The following CHST9 variants were observed in gnomAD, a reference collection of about 807,000 sequenced individuals.
CHST9 encodes GalNAc-4-sulfotransferase 2.
In CHST9, 41 loss-of-function variants were observed where a neutral mutation model predicts 44.4. That is an observed-to-expected ratio of 0.92 (90% CI 0.72 to 1.20). The LOEUF (loss-of-function observed/expected upper bound fraction) is 1.20, where lower values mean the gene tolerates loss of function less well. Ranked by LOEUF, CHST9 falls within the 50% of genes most tolerant of loss-of-function variation. The pLI is 0.00. For missense variants in CHST9, 504 were observed against 516.5 expected, an observed-to-expected ratio of 0.98 and a Z score of 0.23; for synonymous variants, 171 against 178.4, an observed-to-expected ratio of 0.96 and a Z score of 0.33.
intron 4 of CHST9, among the ~76,000 whole-genome samples, chr18:26,999,220 G>A (rs928265505): frequency 3.3e-5 from 5 of 152,126 alleles, no homozygotes; most frequent in African/African-American, 1.2e-4. Context: ...TTCAGATATG[G>A]CTGTCGATTT....
At chr18:26,927,849 T>G (rs2055800285) in intron 5 of CHST9, among the ~76,000 whole-genome samples, 1 of 152,052 alleles carries the variant, frequency 6.6e-6, no homozygotes, top group Non-Finnish European at 1.5e-5. Flanking sequence ...GACGATCAGG[T>G]CTTTCCCTTC....
intron 4 of CHST9, among the ~76,000 whole-genome samples, chr18:26,948,564 G>T (rs1346607499): frequency 6.6e-6 from 1 of 152,098 alleles, no homozygotes; most frequent in African/African-American, 2.4e-5. Context: ...ACAAATAAGA[G>T]CCAAACAATA....
At chr18:27,005,116 G>T (rs1215345061) in intron 4 of CHST9, among the ~76,000 whole-genome samples, 1 of 152,140 alleles carries the variant, frequency 6.6e-6, no homozygotes, top group Admixed American at 6.5e-5. Flanking sequence ...GACACTGCAA[G>T]AATAAATGTT....
chr18:27,012,695 A>T, intron 4 of CHST9, among the ~76,000 whole-genome samples: 1 of 152,354 alleles, frequency 6.6e-6, no homozygotes, highest in East Asian at 1.9e-4. Flanking sequence ...GCAAGGTAGA[A>T]CAAGTTTTCC....
intron 2 of CHST9, among the ~76,000 whole-genome samples, chr18:27,089,117 C>A (rs1199235593): frequency 6.6e-6 from 1 of 151,680 alleles, no homozygotes; most frequent in South Asian, 2.1e-4. Flanking sequence ...GCTCTATTTT[C>A]TTCCTCTTTT....
chr18:27,167,432 A>G lies in CHST9; in HGVS notation c.-97+17704T>C, dbSNP rs1250657282. Reference sequence around the variant, plus strand: ...GTTTTTGCTCTCCACTACATCTGTCATAGAACTTTCTTCTTTTCTGATTCT... The same window carrying G: ...GTTTTTGCTCTCCACTACATCTGTCGTAGAACTTTCTTCTTTTCTGATTCT... On this transcript the variant is annotated intron_variant, in intron 1 of 5. Coordinates refer to ENST00000618847, the MANE Select transcript of CHST9 (RefSeq NM_031422.6). 2.0e-5 allele frequency among the ~76,000 whole-genome samples: 3 copies of G among 152,210 alleles called. No homozygotes were observed. In the East Asian group the frequency reaches 5.8e-4, roughly 29 times the overall value.
intron 2 of CHST9, among the ~76,000 whole-genome samples, chr18:27,135,351 G>A (rs1260096157): frequency 6.6e-6 from 1 of 152,060 alleles, no homozygotes; most frequent in Non-Finnish European, 1.5e-5. Flanking sequence ...TATTTTCTGG[G>A]TTTAGAAATA....
At chr18:27,021,157 G>A (rs1182516304) in intron 4 of CHST9, among the ~76,000 whole-genome samples, 2 of 152,142 alleles carry the variant, frequency 1.3e-5, no homozygotes, top group Non-Finnish European at 2.9e-5. Flanking sequence ...CTGCAGTTGG[G>A]ATGTGAGACA....
intron 2 of CHST9, among the ~76,000 whole-genome samples, chr18:27,090,119 C>T (rs950088953): frequency 6.6e-6 from 1 of 152,060 alleles, no homozygotes; most frequent in Non-Finnish European, 1.5e-5. Context: ...TGTTTCCTGA[C>T]TTTTTAATGA....
intron 4 of CHST9, among the ~76,000 whole-genome samples, chr18:27,007,506 T>C (rs1343706980): frequency 6.6e-6 from 1 of 152,126 alleles, no homozygotes; most frequent in East Asian, 1.9e-4. Context: ...AGAAGAGACA[T>C]TGGCTTACAA....
intron 5 of CHST9, among the ~76,000 whole-genome samples, chr18:26,917,759 C>A (rs1160063476): frequency 1.3e-5 from 2 of 152,158 alleles, no homozygotes; most frequent in African/African-American, 2.4e-5. Flanking sequence ...TTTTAGGGAG[C>A]ACTCTGTAAT....
intron 2 of CHST9, among the ~76,000 whole-genome samples, chr18:27,087,614 T>C (rs1020334180): frequency 6.6e-6 from 1 of 152,234 alleles, no homozygotes. Flanking sequence ...CTATAACTCA[T>C]GGTGACTATA....
intron 4 of CHST9, among the ~76,000 whole-genome samples, chr18:26,968,383 A>G (rs536867501): frequency 2.2e-4 from 34 of 152,314 alleles, no homozygotes; most frequent in South Asian, 4.2e-4. Context: ...TGGCATTGCT[A>G]TCTCATGTTT....
At chr18:27,167,609 G>A (rs2058800608) in intron 1 of CHST9, among the ~76,000 whole-genome samples, 1 of 152,126 alleles carries the variant, frequency 6.6e-6, no homozygotes, top group Non-Finnish European at 1.5e-5. Context: ...TTTAGGTATT[G>A]GGATACAAAG....
chr18:27,108,973 C>G (rs960282623), intron 2 of CHST9, among the ~76,000 whole-genome samples: 1 of 152,194 alleles, frequency 6.6e-6, no homozygotes, highest in Non-Finnish European at 1.5e-5. Flanking sequence ...CTCTATACTA[C>G]AGTCCTTACT....
chr18:27,170,101 A>G (rs1435649610), intron 1 of CHST9, among the ~76,000 whole-genome samples: 1 of 152,202 alleles, frequency 6.6e-6, no homozygotes, highest in Non-Finnish European at 1.5e-5. Context: ...AAGAGAGAGA[A>G]TGAGAGGAGA....
chr18:27,062,709 A>G (rs979473008), intron 2 of CHST9, among the ~76,000 whole-genome samples: 1 of 152,098 alleles, frequency 6.6e-6, no homozygotes, highest in African/African-American at 2.4e-5. Context: ...TGGTATTTCT[A>G]GTTCTAGATC....
At chr18:27,050,611 A>C (rs1413418832) in intron 2 of CHST9, among the ~76,000 whole-genome samples, 1 of 152,182 alleles carries the variant, frequency 6.6e-6, no homozygotes, top group Non-Finnish European at 1.5e-5. Flanking sequence ...ACCTTGATTA[A>C]TGGCATGTTA....
At chr18:27,029,454 C>G (rs76250256) in intron 3 of CHST9, among the ~76,000 whole-genome samples, 1 of 152,000 alleles carries the variant, frequency 6.6e-6, no homozygotes, top group Admixed American at 6.6e-5. Context: ...ACCAAGGAAC[C>G]AAGGGTGGGA....
Sources: allele counts gnomAD v4.1 joint callset (sites outside exome capture counted in the v4.1 genomes callset), GRCh38; gene constraint gnomAD v4.1.1; transcripts MANE v1.5; gene names NCBI Gene and HGNC (gene_info 2026-07-23, HGNC 2026-07-21).